CSMD1: variants seen among roughly 807,000 people sequenced by gnomAD.
CSMD1 encodes the protein CUB and sushi domain-containing protein 1.
CSMD1 carries 213 observed loss-of-function variants against 417.5 expected under a neutral mutation model. That is an observed-to-expected ratio of 0.51 (90% CI 0.46 to 0.57). The LOEUF (loss-of-function observed/expected upper bound fraction) is 0.57, where lower values mean the gene tolerates loss of function less well. Among genes scored for constraint, CSMD1 ranks in the 20% least tolerant of loss-of-function variants. The probability of loss-of-function intolerance (pLI) is 0.00; values close to 1 mark genes in which losing one functional copy is unlikely to be tolerated. For missense variants in CSMD1, 6,923 were observed against 4,529.7 expected (o/e 1.53, Z -15.17); for synonymous variants, 2,862 against 1,736.8 (o/e 1.65, Z -16.11).
Position 4,991,539 on chromosome 8 carries a change from C to T in CSMD1, c.85+2793G>A, listed in dbSNP as rs183653631. ...CGCCTGCCTTCGCCACAGCGGGAGC[C>T]GCCACCCGGGCGCGCGCGGCGCAGC... On this transcript the variant is annotated intron_variant, in intron 1 of 69. Transcript: ENST00000635120. Among the ~76,000 whole-genome samples the T allele has an allele frequency of 1.0e-3, 153 of 152,288 alleles. 3 individuals carry two copies. The highest frequency in any genetic ancestry group is 6.1e-3 in the Admixed American group (93 of 15,308).
chr8:3,471,513 C>T (rs964129216), intron 11 of CSMD1, among the ~76,000 whole-genome samples: 4 of 149,664 alleles, frequency 2.7e-5, no homozygotes, highest in Non-Finnish European at 5.9e-5. Flanking sequence ...TCCTTCATTC[C>T]TTCCTTCCTT....
At chr8:3,586,056 A>T in intron 9 of CSMD1, 80 bp downstream of exon 9, 1 of 1,415,008 alleles carries the variant, frequency 7.1e-7, no homozygotes, top group Admixed American at 2.1e-5. Flanking sequence ...ACAATGCTTC[A>T]TGCTTAAATT....
rs570059058 is a variant in CSMD1 at position 4,817,687 on chromosome 8, C to T, written c.85+176645G>A. Among the ~76,000 whole-genome samples, 4 of 152,298 alleles carry T rather than the reference C, an allele frequency of 2.6e-5. No individual in the cohort carries two copies. In the East Asian group the frequency reaches 5.8e-4, roughly 22 times the overall value. ...AGGGCAGATGTATCAAAAGATAATG[C>T]TATCACAATCAATACTTTAAATTGC... On this transcript the variant is annotated intron_variant, in intron 1 of 69. Coordinates refer to ENST00000635120, the MANE Select transcript of CSMD1 (RefSeq NM_033225.6).
chr8:4,179,595 T>C (rs78174584), intron 3 of CSMD1, among the ~76,000 whole-genome samples: 1 of 151,030 alleles, frequency 6.6e-6, no homozygotes, highest in African/African-American at 2.4e-5. Context: ...AATTAAACTA[T>C]AGAGCTTCTG....
rs750062238 is a variant in CSMD1 at position 3,205,505 on chromosome 8, G to A, written c.4983C>T (p.Phe1661=). The change falls in exon 31 of 70, where the codon TTC becomes TTT. Residue 1661 remains phenylalanine, a splice_region_variant and synonymous_variant. Coordinates refer to ENST00000635120, the MANE Select transcript of CSMD1 (RefSeq NM_033225.6). ...TTAAAAATACAAGGACATCCTTACC[G>A]AATTCCTTTGGTACCGTGATGGAAT... ...CLYSITVPKE[F]VVFGQFAYFQ... is the part of the protein sequence containing the mutation. 1.1e-5 allele frequency: 16 copies of A among 1,452,800 alleles called. No individual in the cohort carries two copies. The South Asian group carries it at 1.2e-4, about 11-fold the overall frequency. 90.0% of individuals were successfully genotyped at this position (1,452,800 alleles called of 1,614,324 possible).
chr8:4,771,552 C>T (rs938814504), intron 1 of CSMD1, among the ~76,000 whole-genome samples: 1 of 152,198 alleles, frequency 6.6e-6, no homozygotes, highest in African/African-American at 2.4e-5. Context: ...ATTTTCCACT[C>T]TAAGGAACGA....
chr8:3,402,855 T>C (rs567614145), intron 15 of CSMD1, among the ~76,000 whole-genome samples: 23 of 152,102 alleles, frequency 1.5e-4, no homozygotes, highest in Non-Finnish European at 3.1e-4. Context: ...TTTAATCTTA[T>C]TATTAAATTT....
chr8:4,753,758 G>A (rs989176102), intron 1 of CSMD1, among the ~76,000 whole-genome samples: 2 of 152,150 alleles, frequency 1.3e-5, no homozygotes, highest in African/African-American at 2.4e-5. Context: ...TTTACATTCT[G>A]ATGGGAACAT....
intron 5 of CSMD1, among the ~76,000 whole-genome samples, chr8:3,993,721 G>T (rs1223508614): frequency 6.6e-6 from 1 of 152,168 alleles, no homozygotes; most frequent in Non-Finnish European, 1.5e-5. Context: ...TCATAAGGCA[G>T]CCCTAATCCA....
Position 3,011,359 on chromosome 8 carries a change from C to T in CSMD1, c.8029+7118G>A, listed in dbSNP as rs371958636. On this transcript the variant is annotated intron_variant, in intron 52 of 69. Transcript: ENST00000635120. ...GGCAGGGGAGGCAGTGCTAATCTTT[C>T]TGCTCTGCTGTGATATAAGCATTAT... Among the ~76,000 whole-genome samples, 141 of 152,138 alleles carry T rather than the reference C, an allele frequency of 9.3e-4. 1 individual carries two copies. Among genetic ancestry groups the T allele is most frequent in the African/African-American group, 3.1e-3 (130 of 41,446 alleles).
At chr8:4,289,774 C>T (rs138332928) in intron 3 of CSMD1, among the ~76,000 whole-genome samples, 15 of 152,266 alleles carry the variant, frequency 9.9e-5, no homozygotes, top group Middle Eastern at 3.4e-3. Context: ...ACTGGAAGCA[C>T]CATAGTTAAA....
chr8:4,288,427 G>A (rs1013994771), intron 3 of CSMD1, among the ~76,000 whole-genome samples: 9 of 152,172 alleles, frequency 5.9e-5, no homozygotes, highest in Non-Finnish European at 8.8e-5. Flanking sequence ...CACAAACTCA[G>A]GAAATTCAAT....
chr8:4,234,294 T>C lies in CSMD1; in HGVS notation c.415+185659A>G, dbSNP rs1463646690. 2.6e-5 allele frequency among the ~76,000 whole-genome samples: 4 copies of C among 152,080 alleles called. No homozygotes were observed. In the South Asian group the frequency reaches 8.3e-4, roughly 32 times the overall value. ...TACACGAAGTGATCTATGGGACCCA[T>C]CCATAGAGCTGGCGATTGCAGACAC... On this transcript the variant is annotated intron_variant, in intron 3 of 69. Coordinates refer to ENST00000635120, the MANE Select transcript of CSMD1 (RefSeq NM_033225.6).
intron 5 of CSMD1, among the ~76,000 whole-genome samples, chr8:3,784,372 G>C (rs1271872558): frequency 3.9e-5 from 6 of 152,060 alleles, no homozygotes; most frequent in African/African-American, 1.4e-4. Flanking sequence ...AAAACAATGA[G>C]AAATCACACG....
intron 7 of CSMD1, among the ~76,000 whole-genome samples, chr8:3,682,260 A>T (rs112315391): frequency 6.6e-6 from 1 of 152,144 alleles, no homozygotes; most frequent in Non-Finnish European, 1.5e-5. Context: ...AGGCAACCTA[A>T]AAAATGGGAT....
chr8:4,992,190 C>G (rs1811504690), intron 1 of CSMD1, among the ~76,000 whole-genome samples: 1 of 152,174 alleles, frequency 6.6e-6, no homozygotes, highest in Non-Finnish European at 1.5e-5. Flanking sequence ...TCATCCAGAG[C>G]AGCCCCCGCC....
Position 4,645,602 on chromosome 8 carries a change from C to A in CSMD1, c.86-8044G>T, listed in dbSNP as rs564158530. Among the ~76,000 whole-genome samples the A allele has an allele frequency of 5.3e-5, 8 of 152,058 alleles. No homozygotes were observed. In the South Asian group the frequency reaches 1.7e-3, roughly 32 times the overall value. ...CCACAGGTGCGGGATGACGAGGCTGCCCATTTTGCAAAGTAATTGTAGACT... is the reference window on the plus strand; with the variant it reads ...CCACAGGTGCGGGATGACGAGGCTGACCATTTTGCAAAGTAATTGTAGACT... On this transcript the variant is annotated intron_variant, in intron 1 of 69. Coordinates refer to ENST00000635120, the MANE Select transcript of CSMD1 (RefSeq NM_033225.6).
chr8:4,843,217 T>A (rs1447182177), intron 1 of CSMD1, among the ~76,000 whole-genome samples: 1 of 152,138 alleles, frequency 6.6e-6, no homozygotes, highest in African/African-American at 2.4e-5. Flanking sequence ...AACAGGGCGC[T>A]TTCCTGCATC....
At chr8:4,558,347 C>T (rs894640364) in intron 2 of CSMD1, among the ~76,000 whole-genome samples, 2 of 152,194 alleles carry the variant, frequency 1.3e-5, no homozygotes, top group African/African-American at 2.4e-5. Context: ...TAAAACTCTC[C>T]GTAGTATTAT....
Sources: gnomAD v4.1 joint callset for allele counts (sites outside exome capture counted in the v4.1 genomes callset) on GRCh38, gnomAD v4.1.1 for gene constraint, MANE v1.5 for transcripts, NCBI Gene and HGNC (gene_info 2026-07-23, HGNC 2026-07-21) for gene names.